The following FBXW7 variants were observed in gnomAD, a reference collection of about 807,000 sequenced individuals.
The protein encoded by FBXW7 is F-box/WD repeat-containing protein 7.
A neutral mutation model predicts 86.3 loss-of-function variants in FBXW7; 11 were observed. The ratio of observed to expected loss-of-function variants is 0.13; its 90% CI spans 0.08 to 0.21. FBXW7 has a LOEUF of 0.21. FBXW7 is among the 10% of genes least tolerant of loss of function. The probability of loss-of-function intolerance (pLI) is 1.00; values close to 1 mark genes in which losing one functional copy is unlikely to be tolerated. For missense variants in FBXW7, 488 were observed against 847.4 expected (o/e 0.58, Z 5.27); for synonymous variants, 313 against 297.9 (o/e 1.05, Z -0.52).
chr4:152,469,582 T>C (rs1375503898), intron 2 of FBXW7, among the ~76,000 whole-genome samples: 2 of 152,208 alleles, frequency 1.3e-5, no homozygotes, highest in Middle Eastern at 3.4e-3. Flanking sequence ...AAGCAATGGA[T>C]GGCTAAAGAA....
intron 2 of FBXW7, among the ~76,000 whole-genome samples, chr4:152,459,277 C>T (rs1220596927): frequency 1.3e-5 from 2 of 152,172 alleles, no homozygotes; most frequent in East Asian, 1.9e-4. Context: ...AAACCATCAG[C>T]ACTTCACTTT....
intron 4 of FBXW7, among the ~76,000 whole-genome samples, chr4:152,362,828 C>CAAAAAAAAA (rs35796895): frequency 1.8e-4 from 14 of 79,120 alleles, no homozygotes; most frequent in East Asian, 3.6e-4. Flanking sequence ...CTCTCTCTCT[C>CAAAAAAAAA]AAAAAAAAAA....
chr4:152,418,791 A>G (rs1190700407), intron 2 of FBXW7, among the ~76,000 whole-genome samples: 1 of 152,168 alleles, frequency 6.6e-6, no homozygotes, highest in East Asian at 1.9e-4. Flanking sequence ...AAACAAGAAT[A>G]AGCTCAGAAA....
chr4:152,393,445 C>T (rs1356867732), intron 4 of FBXW7, among the ~76,000 whole-genome samples: 2 of 151,956 alleles, frequency 1.3e-5, no homozygotes, highest in Middle Eastern at 3.4e-3. Context: ...TTTTCTATAC[C>T]AAGTAACAGA....
intron 2 of FBXW7, among the ~76,000 whole-genome samples, chr4:152,465,478 C>A (rs192481623): frequency 6.6e-6 from 1 of 152,218 alleles, no homozygotes; most frequent in Admixed American, 6.5e-5. Context: ...ATAAGTTTTT[C>A]ATTTCCTTTT....
chr4:152,467,750 G>C (rs183322295), intron 2 of FBXW7, among the ~76,000 whole-genome samples: 2 of 152,280 alleles, frequency 1.3e-5, no homozygotes, highest in Admixed American at 1.3e-4. Context: ...GGCTATCAGT[G>C]AGTATTTATT....
At chr4:152,338,757 T>C (rs574695027) in intron 6 of FBXW7, among the ~76,000 whole-genome samples, 1 of 152,258 alleles carries the variant, frequency 6.6e-6, no homozygotes, top group South Asian at 2.1e-4. Context: ...AATGTTACAA[T>C]TTCACACATT....
intron 2 of FBXW7, among the ~76,000 whole-genome samples, chr4:152,473,517 C>G (rs545796425): frequency 8.1e-4 from 124 of 152,270 alleles, no homozygotes; most frequent in Admixed American, 1.3e-3. Flanking sequence ...TGAGGTCTTA[C>G]TCTTTTGCCC....
Position 152,411,380 on chromosome 4 carries a change from T to C in FBXW7, c.424A>G (p.Ser142Gly). ...SREDEHTHTN[S>G]VTNSSSIVDL... ...ACAATACTACTGGAGTTCGTGACAC[T>C]GTTAGTATGTGTATGTTCATCTTCT... The change falls in exon 4 of 14, where the codon AGT becomes GGT. Residue 142 changes from serine (S) to glycine (G), a missense_variant. Around this residue, in one of 4 missense-constraint regions of FBXW7, gnomAD observed 230 missense variants for 240.0 expected, o/e 0.96. Coordinates refer to ENST00000281708, the MANE Select transcript of FBXW7 (RefSeq NM_001349798.2). The C allele has an allele frequency of 1.9e-6, 3 of 1,613,674 alleles. No individual in the cohort carries two copies. Among genetic ancestry groups the C allele is most frequent in the Non-Finnish European group, 2.5e-6 (3 of 1,179,846 alleles).
chr4:152,364,422 A>G (rs1197135067), intron 4 of FBXW7, among the ~76,000 whole-genome samples: 1 of 152,168 alleles, frequency 6.6e-6, no homozygotes, highest in Non-Finnish European at 1.5e-5. Flanking sequence ...CCTTACCAAA[A>G]TGATTTGAAC....
At chr4:152,475,386 C>A (rs947766543) in intron 2 of FBXW7, among the ~76,000 whole-genome samples, 2 of 151,890 alleles carry the variant, frequency 1.3e-5, no homozygotes, top group African/African-American at 4.8e-5. Context: ...TTGATCATAC[C>A]GGTGCACTCC....
intron 2 of FBXW7, among the ~76,000 whole-genome samples, chr4:152,423,760 A>G (rs949267321): frequency 6.6e-6 from 1 of 152,104 alleles, no homozygotes; most frequent in African/African-American, 2.4e-5. Flanking sequence ...CACTTTAAAG[A>G]GTTCAAAAAA....
In FBXW7 at chr4:152,530,069, AT is replaced by A. The variant is rs373131133; in HGVS notation, c.-120+4871del. Among the ~76,000 whole-genome samples the A allele has an allele frequency of 7.4e-4, 88 of 118,220 alleles. No individual in the cohort carries two copies. The East Asian group carries it at 8.3e-3, about 11-fold the overall frequency. 77.6% of individuals were successfully genotyped at this position (118,220 alleles called of 152,430 possible). On this transcript the variant is annotated intron_variant, in intron 2 of 13. Transcript: ENST00000281708. ...AGACCCCGTCACAAAAAAAAAAAAAATACACACACACACACACACACACACA... is the reference window on the plus strand; with the variant it reads ...AGACCCCGTCACAAAAAAAAAAAAAAACACACACACACACACACACACACA...
At chr4:152,419,051 A>G (rs138653451) in intron 2 of FBXW7, among the ~76,000 whole-genome samples, 142 of 152,284 alleles carry the variant, frequency 9.3e-4, no homozygotes, top group African/African-American at 3.1e-3. Flanking sequence ...CATATCACCG[A>G]GTAAAGTTTT....
At chr4:152,509,250 T>C (rs1249006873) in intron 2 of FBXW7, among the ~76,000 whole-genome samples, 2 of 152,198 alleles carry the variant, frequency 1.3e-5, no homozygotes, top group Non-Finnish European at 1.5e-5. Flanking sequence ...TACATGAATG[T>C]TAATCTCCTG....
intron 2 of FBXW7, among the ~76,000 whole-genome samples, chr4:152,518,318 C>A (rs753485871): frequency 4.6e-5 from 7 of 151,976 alleles, no homozygotes; most frequent in Non-Finnish European, 7.4e-5. Flanking sequence ...ATATTTGAAA[C>A]AGGGTCTTGC....
chr4:152,439,304 A>G (rs1309060974), intron 2 of FBXW7, among the ~76,000 whole-genome samples: 1 of 152,138 alleles, frequency 6.6e-6, no homozygotes, highest in African/African-American at 2.4e-5. Flanking sequence ...AGTTTTCACA[A>G]TTTCATCATA....
chr4:152,376,473 A>G (rs1579036811), intron 4 of FBXW7, among the ~76,000 whole-genome samples: 1 of 152,174 alleles, frequency 6.6e-6, no homozygotes, highest in South Asian at 2.1e-4. Context: ...CAAACCCAAC[A>G]GTCTACTACA....
intron 2 of FBXW7, among the ~76,000 whole-genome samples, chr4:152,466,462 T>C (rs147431568): frequency 0.014 from 2,075 of 149,014 alleles, 26 homozygotes; most frequent in Middle Eastern, 0.038. Context: ...GGCTCAGGCA[T>C]GAGAATCACT....
Sources: gnomAD v4.1 joint callset for allele counts (sites outside exome capture counted in the v4.1 genomes callset) on GRCh38, gnomAD v4.1.1 for gene constraint, gnomAD v4.1.1 regional missense constraint, MANE v1.5 for transcripts, NCBI Gene and HGNC (gene_info 2026-07-23, HGNC 2026-07-21) for gene names.